The following ANK3 variants were observed in gnomAD, a reference collection of about 807,000 sequenced individuals.
ANK3 encodes the protein ankyrin-3.
Under a neutral mutation model 370.9 loss-of-function variants are expected in ANK3, and 57 were observed. The observed-to-expected ratio is 0.15, with a 90% confidence interval of 0.12 to 0.19. The LOEUF is 0.19. Among genes scored for constraint, ANK3 ranks in the 10% least tolerant of loss-of-function variants. The pLI is 1.00. For missense variants in ANK3, 4,439 were observed against 5,302.1 expected, an observed-to-expected ratio of 0.84 and a Z score of 5.06; for synonymous variants, 1,929 against 1,946.3, an observed-to-expected ratio of 0.99 and a Z score of 0.23.
At chr10:60,690,260 C>A (rs948087348) in intron 1 of ANK3, among the ~76,000 whole-genome samples, 2 of 152,004 alleles carry the variant, frequency 1.3e-5, no homozygotes, top group Non-Finnish European at 2.9e-5. Context: ...CCAAGGAGGG[C>A]GAGCTGAAGC....
At chr10:60,575,705 C>T (rs187496752) in intron 2 of ANK3, among the ~76,000 whole-genome samples, 2 of 152,070 alleles carry the variant, frequency 1.3e-5, no homozygotes, top group East Asian at 3.9e-4. Context: ...AGAGTTAAGG[C>T]CTTAAATCAT....
intron 2 of ANK3, among the ~76,000 whole-genome samples, chr10:60,590,645 CAA>C (rs2077895946): frequency 6.6e-6 from 1 of 152,204 alleles, no homozygotes; most frequent in Non-Finnish European, 1.5e-5. Context: ...CAGCCTTTCT[CAA>C]AAGTCTTTGT....
At chr10:60,263,451 C>T (rs1427934941) in intron 6 of ANK3, among the ~76,000 whole-genome samples, 1 of 152,186 alleles carries the variant, frequency 6.6e-6, no homozygotes, top group African/African-American at 2.4e-5. Context: ...AGTGCCTGGC[C>T]TGTCATCTTG....
intron 2 of ANK3, among the ~76,000 whole-genome samples, chr10:60,416,312 A>G (rs150470225): frequency 1.1e-4 from 16 of 152,334 alleles, no homozygotes; most frequent in African/African-American, 3.4e-4. Flanking sequence ...CTATTGTTAC[A>G]TGGAACCACA....
At chr10:60,284,331 C>A (rs1226273479) in intron 1 of ANK3, among the ~76,000 whole-genome samples, 1 of 152,046 alleles carries the variant, frequency 6.6e-6, no homozygotes, top group Admixed American at 6.5e-5. Flanking sequence ...TTTAAGCCAC[C>A]CAGTTTGTGG....
chr10:60,724,209 CAAAAAAAAA>C (rs398013720), intron 1 of ANK3, among the ~76,000 whole-genome samples: 2 of 54,608 alleles, frequency 3.7e-5, no homozygotes, highest in South Asian at 1.9e-3. Context: ...GACTCCGTCT[CAAAAAAAAA>C]AAAAAAAAAA....
rs766378767 is a variant in ANK3, at chr10:60,546,330, C to T, written c.96+68856G>A. Reference sequence around the variant, plus strand: ...AAATTATAGGCGTGAGCCATGGTGCCAAGTCTGGATAGTCTTTTTATAATT... The same window carrying T: ...AAATTATAGGCGTGAGCCATGGTGCTAAGTCTGGATAGTCTTTTTATAATT... On this transcript the variant is annotated intron_variant, in intron 2 of 43. Transcript: ENST00000373827. Among the ~76,000 whole-genome samples the T allele has an allele frequency of 6.6e-5, 10 of 152,304 alleles. No homozygotes were observed. The South Asian group carries it at 2.1e-3, about 32-fold the overall frequency.
chr10:60,403,873 T>C (rs1222814274), intron 2 of ANK3, among the ~76,000 whole-genome samples: 1 of 152,190 alleles, frequency 6.6e-6, no homozygotes, highest in Non-Finnish European at 1.5e-5. Context: ...AAACAACTCC[T>C]AGAACTAAAA....
intron 1 of ANK3, among the ~76,000 whole-genome samples, chr10:60,294,447 G>C (rs139040477): frequency 6.6e-6 from 1 of 152,156 alleles, no homozygotes; most frequent in South Asian, 2.1e-4. Flanking sequence ...AGCTGATGCA[G>C]CTGGAGCCTT....
intron 28 of ANK3, among the ~76,000 whole-genome samples, chr10:60,102,777 T>A (rs944317741): frequency 6.6e-6 from 1 of 152,154 alleles, no homozygotes; most frequent in African/African-American, 2.4e-5. Context: ...GGACTGGTTA[T>A]AAAAGTGGCA....
intron 1 of ANK3, among the ~76,000 whole-genome samples, chr10:60,678,875 G>C (rs2079159352): frequency 6.6e-6 from 1 of 152,170 alleles, no homozygotes; most frequent in African/African-American, 2.4e-5. Context: ...GCTTAGACTT[G>C]GATTTGGAAG....
intron 24 of ANK3, among the ~76,000 whole-genome samples, chr10:60,135,007 A>T (rs2094268913): frequency 6.6e-6 from 1 of 152,098 alleles, no homozygotes; most frequent in African/African-American, 2.4e-5. Flanking sequence ...TAGCTCCTCC[A>T]ACTGTTCTTT....
At chr10:60,218,106 T>C (rs1364294479) in intron 8 of ANK3, among the ~76,000 whole-genome samples, 272 of 148,866 alleles carry the variant, frequency 1.8e-3, no homozygotes, top group African/African-American at 6.4e-3. Flanking sequence ...TCTTTTTTTT[T>C]TTTTTTTTTT....
intron 2 of ANK3, among the ~76,000 whole-genome samples, chr10:60,395,643 TC>T (rs1252902554): frequency 2.6e-5 from 4 of 151,398 alleles, no homozygotes; most frequent in Non-Finnish European, 4.4e-5. Context: ...TCTCTCTCTC[TC>T]TCTCTCTTTC....
At chr10:60,178,963 G>A (rs1005916358) in intron 18 of ANK3, among the ~76,000 whole-genome samples, 1 of 152,066 alleles carries the variant, frequency 6.6e-6, no homozygotes, top group African/African-American at 2.4e-5. Context: ...GGTGCGGGGG[G>A]AGAGGACTGC....
chr10:60,451,519 A>G (rs2064601879), intron 2 of ANK3, among the ~76,000 whole-genome samples: 1 of 152,168 alleles, frequency 6.6e-6, no homozygotes, highest in South Asian at 2.1e-4. Flanking sequence ...GATCCAGGAA[A>G]AGTGTAGAAG....
chr10:60,615,567 G>A (rs2078257038), intron 1 of ANK3, among the ~76,000 whole-genome samples: 1 of 152,124 alleles, frequency 6.6e-6, no homozygotes, highest in Non-Finnish European at 1.5e-5. Flanking sequence ...AGATGCAACT[G>A]TAACAGTAAT....
chr10:60,604,123 A>G (rs1389943193), intron 2 of ANK3, among the ~76,000 whole-genome samples: 1 of 152,154 alleles, frequency 6.6e-6, no homozygotes, highest in Non-Finnish European at 1.5e-5. Context: ...ATGACTTTCA[A>G]GGTCAAGAGG....
intron 1 of ANK3, among the ~76,000 whole-genome samples, chr10:60,314,678 A>G (rs567328936): frequency 6.6e-6 from 1 of 152,328 alleles, no homozygotes; most frequent in East Asian, 1.9e-4. Flanking sequence ...TTATGCAGAA[A>G]GTGTAGACCC....
Sources: allele counts gnomAD v4.1 joint callset (sites outside exome capture counted in the v4.1 genomes callset), GRCh38; gene constraint gnomAD v4.1.1; transcripts MANE v1.5; gene names NCBI Gene and HGNC (gene_info 2026-07-23, HGNC 2026-07-21).